Variants in GRK4 observed in about 807,000 individuals in gnomAD.
The protein encoded by GRK4 is G protein-coupled receptor kinase 4.
Under a neutral mutation model 77.9 loss-of-function variants are expected in GRK4, and 73 were observed. The observed-to-expected ratio is 0.94, with a 90% CI of 0.78 to 1.14. GRK4 has a LOEUF of 1.14. Among genes scored for constraint, GRK4 ranks in the 50% most tolerant of loss-of-function variants. The pLI is 0.00. For synonymous variants in GRK4, 257 were observed against 254.4 expected, an observed-to-expected ratio of 1.01 and a Z score of -0.10; for missense variants, 729 against 700.2, an observed-to-expected ratio of 1.04 and a Z score of -0.46.
intron 15 of GRK4, among the ~76,000 whole-genome samples, chr4:3,039,193 G>T (rs1350950594): frequency 6.6e-6 from 1 of 152,136 alleles, no homozygotes; most frequent in Non-Finnish European, 1.5e-5. Flanking sequence ...TCCAGCCTGG[G>T]CAACAGCGCA....
Position 3,035,431 on chromosome 4 carries a change from G to T in GRK4, c.1315G>T (p.Gly439Ter). 1 of 1,613,912 alleles carries T rather than the reference G, an allele frequency of 6.2e-7. No homozygotes were observed. Among genetic ancestry groups the T allele is most frequent in the Non-Finnish European group, 8.5e-7 (1 of 1,179,936 alleles). Residue 439 changes from glycine (G) to a stop codon, truncating the protein, a stop_gained, in exon 13 of 16, where the codon GGA becomes TGA. Transcript: ENST00000398052. LOFTEE classifies it high-confidence loss of function. ...CAAGCGGCTGGGCTGCAGGGGCGAG[G>T]GAGCGGCTGGGGTGAAGCAGCACCC... ...PSKRLGCRGE[G>*]AAGVKQHPVF...
chr4:3,005,214 G>T (rs1730945682), intron 5 of GRK4, among the ~76,000 whole-genome samples: 2 of 152,120 alleles, frequency 1.3e-5, no homozygotes, highest in African/African-American at 2.4e-5. Flanking sequence ...GCAGTGCCTT[G>T]TGTATGCATG....
At chr4:2,967,485 C>G (rs750219374) in intron 1 of GRK4, among the ~76,000 whole-genome samples, 2 of 152,238 alleles carry the variant, frequency 1.3e-5, no homozygotes, top group Non-Finnish European at 2.9e-5. Flanking sequence ...ACTGCAACCT[C>G]TGCCGCCTGG....
intron 1 of GRK4, among the ~76,000 whole-genome samples, chr4:2,975,488 TCA>T (rs1397279533): frequency 6.6e-6 from 1 of 152,100 alleles, no homozygotes; most frequent in Non-Finnish European, 1.5e-5. Context: ...CAGGGAGCCC[TCA>T]GTAGACACTG....
At chr4:3,018,207 G>A (rs150116222) in intron 8 of GRK4, among the ~76,000 whole-genome samples, 6 of 151,818 alleles carry the variant, frequency 4.0e-5, no homozygotes, top group African/African-American at 1.4e-4. Flanking sequence ...CACTGTGCCC[G>A]GCCACAACTC....
rs373231817 is a variant in GRK4, at chr4:3,005,530, C to T, written c.443+1196C>T. Among the ~76,000 whole-genome samples, 29 of 152,184 alleles carry T rather than the reference C, an allele frequency of 1.9e-4. 2 individuals carry two copies. The highest frequency in any genetic ancestry group is 5.3e-4 in the African/African-American group (22 of 41,550). ...TCTAAAATAACACACAGGCCGGGCG[C>T]GGTGGCTCACGCCGGTAATCCCAGC... On this transcript the variant is annotated intron_variant, in intron 5 of 15. Coordinates refer to ENST00000398052, the MANE Select transcript of GRK4 (RefSeq NM_182982.3).
In GRK4 at chr4:3,035,389, C is replaced by T; in HGVS notation, c.1273C>T (p.Leu425Phe). 6.2e-7 allele frequency: 1 copy of T among 1,613,866 alleles called. No individual in the cohort carries two copies. The highest frequency in any genetic ancestry group is 2.2e-5 in the East Asian group (1 of 44,884). The change falls in exon 13 of 16, where the codon CTC (leucine) becomes TTC (phenylalanine). Residue 425 changes from leucine (L) to phenylalanine (F), a missense_variant. By Grantham distance (22) the Leu-to-Phe change is conservative (BLOSUM62 0). Transcript: ENST00000398052. ...EDAKSICRML[L>F]TKNPSKRLGC... ...GTTGCATTTCTGCCTCTTGCAGTTACTCACCAAGAATCCAAGCAAGCGGCT... is the reference window on the plus strand; with the variant it reads ...GTTGCATTTCTGCCTCTTGCAGTTATTCACCAAGAATCCAAGCAAGCGGCT...
At position 2,992,603 on chromosome 4, in the gene GRK4, G is replaced by C. The variant is rs1057440004; in HGVS notation, c.339+311G>C. On this transcript the variant is annotated intron_variant, in intron 4 of 15. Transcript: ENST00000398052. Reference sequence around the variant, plus strand: ...GAGGTGAGGTGGGAGGATCGCTTGAGCCCAGGAGATTGAGGTGGCTGTGAG... The same window carrying C: ...GAGGTGAGGTGGGAGGATCGCTTGACCCCAGGAGATTGAGGTGGCTGTGAG... 5.3e-5 allele frequency among the ~76,000 whole-genome samples: 8 copies of C among 152,168 alleles called. No homozygotes were observed. In the South Asian group the frequency reaches 8.3e-4, roughly 16 times the overall value.
chr4:2,965,345 T>G (rs1204197946), intron 1 of GRK4: 1 of 702,932 alleles, frequency 1.4e-6, no homozygotes, highest in Non-Finnish European at 2.6e-6. Flanking sequence ...ATGTCTCCCT[T>G]GCCTGCGTCT....
At chr4:2,975,847 G>T (rs968130206) in intron 1 of GRK4, among the ~76,000 whole-genome samples, 1 of 152,186 alleles carries the variant, frequency 6.6e-6, no homozygotes, top group Non-Finnish European at 1.5e-5. Context: ...GTGGCCATTG[G>T]TTTGTACTGA....
chr4:3,019,223 A>G (rs1735403058), intron 8 of GRK4, among the ~76,000 whole-genome samples: 1 of 152,248 alleles, frequency 6.6e-6, no homozygotes. Context: ...CAAACTAAAA[A>G]GATTGACAGC....
chr4:3,033,239 G>A (rs920393685), intron 12 of GRK4, among the ~76,000 whole-genome samples: 7 of 152,078 alleles, frequency 4.6e-5, no homozygotes, highest in Non-Finnish European at 1.0e-4. Flanking sequence ...AAGAAAGAAA[G>A]AAAAGAAAAG....
Position 3,027,972 on chromosome 4 carries a change from G to A in GRK4, c.1031G>A (p.Arg344Gln), listed in dbSNP as rs751105368. ...GAGATCCCAGAAGGACAGAGGGTTC[G>A]AGGAAGAGTTGGAACAGTCGGCTAC... ...ATEIPEGQRV[R>Q]GRVGTVGYMA... Residue 344 changes from arginine (R) to glutamine (Q), a missense_variant, in exon 11 of 16, where the codon CGA becomes CAA. Coordinates refer to ENST00000398052, the MANE Select transcript of GRK4 (RefSeq NM_182982.3). The A allele has an allele frequency of 5.6e-6, 9 of 1,614,052 alleles. No individual in the cohort carries two copies. The highest frequency in any genetic ancestry group is 2.2e-5 in the East Asian group (1 of 44,898).
intron 4 of GRK4, 106 bp downstream of exon 4, chr4:2,992,398 G>A: frequency 2.8e-6 from 2 of 718,240 alleles, no homozygotes; most frequent in East Asian, 2.9e-5. Flanking sequence ...GCTTTAATTT[G>A]GCTGGGTGTG....
intron 7 of GRK4, among the ~76,000 whole-genome samples, chr4:3,012,614 A>T (rs1014589267): frequency 6.6e-6 from 1 of 152,130 alleles, no homozygotes; most frequent in African/African-American, 2.4e-5. Context: ...TGTGCAGTGG[A>T]TGGGAGTTGG....
At chr4:3,019,610 T>C in intron 8 of GRK4, 31 bp from the exon 9 acceptor site, 2 of 1,534,994 alleles carry the variant, frequency 1.3e-6, no homozygotes, top group Non-Finnish European at 1.8e-6. Flanking sequence ...AGCAAGTTCG[T>C]GTTCTGTTTT....
intron 1 of GRK4, chr4:2,965,312 T>A (rs1446883762): frequency 1.4e-6 from 1 of 703,040 alleles, no homozygotes. Context: ...CAATCCTCTG[T>A]GCAATCCTCT....
At chr4:3,032,510 G>A (rs1042836172) in intron 12 of GRK4, among the ~76,000 whole-genome samples, 4 of 152,174 alleles carry the variant, frequency 2.6e-5, no homozygotes, top group African/African-American at 9.7e-5. Flanking sequence ...GGATGCAATG[G>A]GTGTCGTAAG....
At chr4:2,998,325 C>G (rs542473714) in intron 4 of GRK4, among the ~76,000 whole-genome samples, 69 of 151,874 alleles carry the variant, frequency 4.5e-4, no homozygotes, top group Non-Finnish European at 4.1e-4. Flanking sequence ...CCATTGCACT[C>G]CAGCCTGGGC....
Sources: allele counts gnomAD v4.1 joint callset (sites outside exome capture counted in the v4.1 genomes callset), GRCh38; gene constraint gnomAD v4.1.1; transcripts MANE v1.5; gene names NCBI Gene and HGNC (gene_info 2026-07-23, HGNC 2026-07-21).